THRB: variants seen among roughly 807,000 people sequenced by gnomAD.
The protein encoded by THRB is nuclear receptor subfamily 1 group A member 2.
THRB carries 12 observed loss-of-function variants against 47.8 expected under a neutral mutation model. The ratio of observed to expected loss-of-function variants is 0.25; its 90% CI spans 0.16 to 0.41. The LOEUF (loss-of-function observed/expected upper bound fraction) is 0.41. Among genes scored for constraint, THRB ranks in the 10% least tolerant of loss-of-function variants. The pLI is 1.00. For missense variants in THRB, 348 were observed against 589.2 expected, an observed-to-expected ratio of 0.59 and a Z score of 4.24; for synonymous variants, 218 against 212.2, an observed-to-expected ratio of 1.03 and a Z score of -0.24.
intron 1 of THRB, among the ~76,000 whole-genome samples, chr3:24,407,291 T>C (rs141553465): frequency 1.3e-5 from 2 of 151,888 alleles, no homozygotes; most frequent in East Asian, 3.9e-4. Flanking sequence ...ATTCCGCAAT[T>C]GCTGCTGATC....
At chr3:24,436,493 G>A (rs1560182514) in intron 1 of THRB, among the ~76,000 whole-genome samples, 1 of 151,922 alleles carries the variant, frequency 6.6e-6, no homozygotes, top group Non-Finnish European at 1.5e-5. Context: ...ACACACAAAT[G>A]CACACACACT....
At position 24,121,409 on chromosome 3, in the gene THRB, G is replaced by C. The variant is rs1227352924; in HGVS notation, c.*1475C>G. ...ATTTTCCCCAATATTTCCAGGATAA[G>C]GCAGTAAAAGGTAGGCAAAGGAATA... On this transcript the variant is annotated 3_prime_UTR_variant, in exon 11 of 11. Transcript: ENST00000646209. 6.6e-6 allele frequency: 1 copy of C among 152,614 alleles called. No individual in the cohort carries two copies. Among genetic ancestry groups the C allele is most frequent in the African/African-American group, 2.4e-5 (1 of 41,438 alleles). The allele number at this position is 152,614 out of a possible 1,614,324, so 9.5% of individuals were successfully genotyped here.
At chr3:24,435,648 A>G (rs1480352828) in intron 1 of THRB, among the ~76,000 whole-genome samples, 1 of 152,218 alleles carries the variant, frequency 6.6e-6, no homozygotes, top group African/African-American at 2.4e-5. Flanking sequence ...GCTTTCCCAT[A>G]TTCCCACAAT....
At chr3:24,385,458 T>C (rs963576665) in intron 1 of THRB, among the ~76,000 whole-genome samples, 2 of 151,876 alleles carry the variant, frequency 1.3e-5, no homozygotes. Flanking sequence ...TTGTGCATGC[T>C]GAAGGAGCAA....
At chr3:24,220,964 T>C (rs2047099413) in intron 4 of THRB, among the ~76,000 whole-genome samples, 1 of 152,196 alleles carries the variant, frequency 6.6e-6, no homozygotes, top group African/African-American at 2.4e-5. Flanking sequence ...GTGTGAACCA[T>C]GGCTTAGAGA....
intron 5 of THRB, among the ~76,000 whole-genome samples, chr3:24,175,680 C>A (rs1177205215): frequency 6.6e-6 from 1 of 152,078 alleles, no homozygotes; most frequent in Admixed American, 6.6e-5. Context: ...CTTAATGAAT[C>A]TAATATAGTC....
intron 3 of THRB, among the ~76,000 whole-genome samples, chr3:24,275,569 C>T (rs2053835567): frequency 6.6e-6 from 1 of 152,176 alleles, no homozygotes; most frequent in Non-Finnish European, 1.5e-5. Context: ...TGTTTTGCCA[C>T]CATCATCATG....
intron 1 of THRB, among the ~76,000 whole-genome samples, chr3:24,466,681 T>C (rs2074181257): frequency 1.3e-5 from 2 of 152,228 alleles, no homozygotes; most frequent in East Asian, 1.9e-4. Flanking sequence ...CTTGTGTTTA[T>C]ACTATAGTGT....
intron 1 of THRB, among the ~76,000 whole-genome samples, chr3:24,362,307 C>G (rs1360287194): frequency 2.0e-5 from 3 of 152,128 alleles, no homozygotes; most frequent in Non-Finnish European, 4.4e-5. Flanking sequence ...CTCTTCCCCT[C>G]TCTTAATCCA....
At chr3:24,354,607 C>A (rs1342079517) in intron 1 of THRB, among the ~76,000 whole-genome samples, 5 of 152,066 alleles carry the variant, frequency 3.3e-5, no homozygotes, top group Non-Finnish European at 7.4e-5. Context: ...AGAGTACACA[C>A]TGGAGGAAGG....
intron 1 of THRB, among the ~76,000 whole-genome samples, chr3:24,340,855 T>G (rs917329903): frequency 1.3e-5 from 2 of 152,346 alleles, no homozygotes; most frequent in South Asian, 4.1e-4. Context: ...AATGGAATCC[T>G]AGTTAGAATT....
chr3:24,377,658 A>G (rs944530551), intron 1 of THRB, among the ~76,000 whole-genome samples: 6 of 152,310 alleles, frequency 3.9e-5, no homozygotes, highest in African/African-American at 1.2e-4. Flanking sequence ...GTTAGCACAC[A>G]TGCTACACTG....
intron 3 of THRB, among the ~76,000 whole-genome samples, chr3:24,249,043 C>T (rs531057069): frequency 6.6e-6 from 1 of 152,128 alleles, no homozygotes; most frequent in Non-Finnish European, 1.5e-5. Flanking sequence ...GTCAGTGCTA[C>T]ACTTGTGAAA....
intron 1 of THRB, among the ~76,000 whole-genome samples, chr3:24,401,925 T>C (rs1423536317): frequency 3.3e-5 from 5 of 151,998 alleles, no homozygotes; most frequent in South Asian, 2.1e-4. Context: ...GCCCAGGTGT[T>C]AGAGAAGAAA....
At chr3:24,481,229 G>GTTTTTTTTTTGTTTTTTTTTTTTTTTTTT (rs1696318693) in intron 1 of THRB, among the ~76,000 whole-genome samples, 1 of 55,380 alleles carries the variant, frequency 1.8e-5, no homozygotes, top group African/African-American at 7.7e-5. Context: ...GTTTCTTTCT[G>GTTTTTTTTTTGTTTTTTTTTTTTTTTTTT]TTTTTTTTTT....
At chr3:24,294,632 C>T (rs34950062) in intron 3 of THRB, among the ~76,000 whole-genome samples, 16,915 of 152,092 alleles carry the variant, frequency 0.11, 1,148 homozygotes, top group South Asian at 0.21. Context: ...TGACTCTGAG[C>T]GGACAGCCTG....
chr3:24,303,384 C>G (rs549082264), intron 2 of THRB, among the ~76,000 whole-genome samples: 4 of 152,242 alleles, frequency 2.6e-5, no homozygotes, highest in Admixed American at 1.3e-4. Context: ...TCGGCCGCTA[C>G]CTGGGCTAGC....
At chr3:24,319,864 A>T (rs1310133495) in intron 2 of THRB, among the ~76,000 whole-genome samples, 4 of 152,254 alleles carry the variant, frequency 2.6e-5, no homozygotes, top group Non-Finnish European at 5.9e-5. Flanking sequence ...AAAAGCTGAC[A>T]CATGTTCCAG....
chr3:24,274,771 ATTAAATT>A (rs2053728473), intron 3 of THRB, among the ~76,000 whole-genome samples: 1 of 152,188 alleles, frequency 6.6e-6, no homozygotes, highest in African/African-American at 2.4e-5. Context: ...TTGTTGGTTA[ATTAAATT>A]TTAAGAAACA....
Sources: gnomAD v4.1 joint callset for allele counts (sites outside exome capture counted in the v4.1 genomes callset) on GRCh38, gnomAD v4.1.1 for gene constraint, MANE v1.5 for transcripts, NCBI Gene and HGNC (gene_info 2026-07-23, HGNC 2026-07-21) for gene names.